The following ADAMTS6 variants were observed in gnomAD, a reference collection of about 807,000 sequenced individuals.
The protein encoded by ADAMTS6 is ADAM metallopeptidase with thrombospondin type 1 motif 6, also known as A disintegrin and metalloproteinase with thrombospondin motifs 6.
ADAMTS6 carries 23 observed loss-of-function variants against 144.3 expected under a neutral mutation model. That is an observed-to-expected ratio of 0.16 (90% CI 0.11 to 0.23). The LOEUF (loss-of-function observed/expected upper bound fraction) is 0.23, where lower values mean the gene tolerates loss of function less well. ADAMTS6 is among the 10% of genes least tolerant of loss of function. The pLI is 1.00. For synonymous variants in ADAMTS6, 444 were observed against 457.5 expected, an observed-to-expected ratio of 0.97 and a Z score of 0.38; for missense variants, 999 against 1,379.6, an observed-to-expected ratio of 0.72 and a Z score of 4.37.
At chr5:65,443,473 T>A (rs1405798925) in intron 7 of ADAMTS6, among the ~76,000 whole-genome samples, 1 of 151,446 alleles carries the variant, frequency 6.6e-6, no homozygotes, top group Non-Finnish European at 1.5e-5. Context: ...ATACAAAAAA[T>A]TAGCTGGGCA....
chr5:65,380,159 C>T (rs1580546862), intron 7 of ADAMTS6, among the ~76,000 whole-genome samples: 1 of 152,030 alleles, frequency 6.6e-6, no homozygotes, highest in African/African-American at 2.4e-5. Context: ...CAGCATACCA[C>T]TGAGAATGCT....
At chr5:65,469,893 C>T (rs189292713) in intron 3 of ADAMTS6, among the ~76,000 whole-genome samples, 2 of 152,156 alleles carry the variant, frequency 1.3e-5, no homozygotes, top group Non-Finnish European at 2.9e-5. Context: ...ACCCTTTTCA[C>T]AGATACAGCT....
chr5:65,338,407 T>C (rs1747508300), intron 7 of ADAMTS6, among the ~76,000 whole-genome samples: 1 of 152,268 alleles, frequency 6.6e-6, no homozygotes, highest in Non-Finnish European at 1.5e-5. Context: ...GTAACGTTGG[T>C]ATACTTTTTG....
At chr5:65,258,771 T>C (rs865959477) in intron 14 of ADAMTS6, among the ~76,000 whole-genome samples, 1 of 152,132 alleles carries the variant, frequency 6.6e-6, no homozygotes, top group Non-Finnish European at 1.5e-5. Flanking sequence ...TGGAGTTACA[T>C]CTGAGATGGG....
intron 18 of ADAMTS6, among the ~76,000 whole-genome samples, chr5:65,223,876 T>C (rs1279924828): frequency 6.6e-6 from 1 of 151,370 alleles, no homozygotes; most frequent in African/African-American, 2.4e-5. Flanking sequence ...CTCCACTCAC[T>C]GCAAGCTCTG....
chr5:65,450,540 G>T (rs1479768420), intron 7 of ADAMTS6, among the ~76,000 whole-genome samples: 1 of 152,098 alleles, frequency 6.6e-6, no homozygotes, highest in Non-Finnish European at 1.5e-5. Flanking sequence ...AGCCAAGAGA[G>T]AATAATGCTT....
chr5:65,423,363 A>T (rs571472664), intron 7 of ADAMTS6, among the ~76,000 whole-genome samples: 1 of 152,344 alleles, frequency 6.6e-6, no homozygotes, highest in Admixed American at 6.5e-5. Context: ...CTAAGTAAGT[A>T]TCAAATAAAT....
chr5:65,344,635 G>C (rs1748151942), intron 7 of ADAMTS6, among the ~76,000 whole-genome samples: 2 of 151,636 alleles, frequency 1.3e-5, no homozygotes, highest in African/African-American at 2.4e-5. Context: ...TTATATATTT[G>C]TCTGATTTTT....
intron 21 of ADAMTS6, among the ~76,000 whole-genome samples, chr5:65,194,556 A>G (rs893476644): frequency 3.9e-5 from 6 of 152,218 alleles, no homozygotes; most frequent in African/African-American, 1.4e-4. Context: ...TCAGGATGTA[A>G]TCCCACCACA....
intron 7 of ADAMTS6, among the ~76,000 whole-genome samples, chr5:65,371,722 C>G (rs1750939997): frequency 6.6e-6 from 1 of 151,956 alleles, no homozygotes; most frequent in Admixed American, 6.6e-5. Flanking sequence ...GGAGAACTTC[C>G]CCAATCTAGC....
At chr5:65,248,526 A>G (rs1256689548) in intron 14 of ADAMTS6, among the ~76,000 whole-genome samples, 1 of 152,184 alleles carries the variant, frequency 6.6e-6, no homozygotes, top group East Asian at 1.9e-4. Context: ...CAGGTCAGGC[A>G]TAATGGCTCA....
chr5:65,255,235 C>A (rs931260034), intron 14 of ADAMTS6, among the ~76,000 whole-genome samples: 2 of 152,096 alleles, frequency 1.3e-5, no homozygotes, highest in African/African-American at 4.8e-5. Flanking sequence ...ACAGTGACCT[C>A]CTGGCAAATA....
At chr5:65,417,633 C>T (rs1393852852) in intron 7 of ADAMTS6, among the ~76,000 whole-genome samples, 1 of 151,944 alleles carries the variant, frequency 6.6e-6, no homozygotes, top group Non-Finnish European at 1.5e-5. Context: ...TTACAATAGC[C>T]ACATGCACAA....
At chr5:65,373,345 A>T (rs1443007103) in intron 7 of ADAMTS6, among the ~76,000 whole-genome samples, 5 of 151,096 alleles carry the variant, frequency 3.3e-5, no homozygotes, top group Non-Finnish European at 7.4e-5. Context: ...GATCAACAAA[A>T]TTGATAAACA....
chr5:65,234,107 A>C (rs1411264635), intron 15 of ADAMTS6, among the ~76,000 whole-genome samples: 1 of 151,656 alleles, frequency 6.6e-6, no homozygotes, highest in Non-Finnish European at 1.5e-5. Flanking sequence ...TAAAGAAAGA[A>C]AAAGAAATTG....
At chr5:65,323,541 A>G (rs1745847880) in intron 9 of ADAMTS6, among the ~76,000 whole-genome samples, 1 of 151,910 alleles carries the variant, frequency 6.6e-6, no homozygotes, top group Admixed American at 6.6e-5. Flanking sequence ...GGTTGGTTCC[A>G]AGTCTTTGCT....
intron 20 of ADAMTS6, among the ~76,000 whole-genome samples, chr5:65,211,913 G>C (rs1049134195): frequency 6.6e-6 from 1 of 152,104 alleles, no homozygotes; most frequent in African/African-American, 2.4e-5. Context: ...ACTATGTTTC[G>C]GATATTGTTC....
chr5:65,332,665 C>A (rs1286730601), intron 8 of ADAMTS6, among the ~76,000 whole-genome samples: 1 of 151,958 alleles, frequency 6.6e-6, no homozygotes, highest in Non-Finnish European at 1.5e-5. Context: ...ACTCCTACAT[C>A]ATAGATAACA....
intron 7 of ADAMTS6, among the ~76,000 whole-genome samples, chr5:65,409,011 G>A (rs991724550): frequency 6.6e-6 from 1 of 152,160 alleles, no homozygotes; most frequent in Non-Finnish European, 1.5e-5. Context: ...TGTGTAGAGG[G>A]AAATTTATAG....
Sources: gnomAD v4.1 joint callset for allele counts (sites outside exome capture counted in the v4.1 genomes callset) on GRCh38, gnomAD v4.1.1 for gene constraint, MANE v1.5 for transcripts, NCBI Gene and HGNC (gene_info 2026-07-23, HGNC 2026-07-21) for gene names.